Variants in GPR39 observed in about 807,000 individuals in gnomAD.
GPR39 encodes the protein zinc sensing receptor.
GPR39 carries 23 observed loss-of-function variants against 18.4 expected under a neutral mutation model. That is an observed-to-expected ratio of 1.25 (90% confidence interval 0.90 to 1.77). The LOEUF (loss-of-function observed/expected upper bound fraction) is 1.77. Ranked by LOEUF, GPR39 falls within the 40% of genes most tolerant of loss-of-function variation. The pLI is 0.00. For missense variants in GPR39, 647 were observed against 602.4 expected, an observed-to-expected ratio of 1.07 and a Z score of -0.78; for synonymous variants, 280 against 257.9, an observed-to-expected ratio of 1.09 and a Z score of -0.82.
At chr2:132,609,934 A>T (rs1374071315) in intron 1 of GPR39, among the ~76,000 whole-genome samples, 1 of 151,930 alleles carries the variant, frequency 6.6e-6, no homozygotes, top group East Asian at 1.9e-4. Context: ...ACTTAGCGCA[A>T]ACCAAGTTTC....
intron 1 of GPR39, among the ~76,000 whole-genome samples, chr2:132,446,866 T>C (rs775081596): frequency 5.9e-5 from 9 of 152,082 alleles, no homozygotes; most frequent in Non-Finnish European, 5.9e-5. Context: ...CAGATCTTTT[T>C]CTAGTATGCA....
intron 1 of GPR39, among the ~76,000 whole-genome samples, chr2:132,613,641 T>C (rs1558859042): frequency 6.6e-6 from 1 of 152,188 alleles, no homozygotes; most frequent in Non-Finnish European, 1.5e-5. Flanking sequence ...CTTAGCAGAG[T>C]GTAGGGCATA....
chr2:132,451,147 C>CTGTGTG (rs34508615), intron 1 of GPR39, among the ~76,000 whole-genome samples: 7,593 of 106,024 alleles, frequency 0.072, 232 homozygotes, highest in African/African-American at 0.11. Context: ...ATCTTTGAGG[C>CTGTGTG]TGTGTGTGTG....
chr2:132,588,247 G>C (rs1231136769), intron 1 of GPR39, among the ~76,000 whole-genome samples: 2 of 152,176 alleles, frequency 1.3e-5, no homozygotes, highest in Non-Finnish European at 2.9e-5. Context: ...TTAGTGAGAG[G>C]GAGGTTCTCT....
chr2:132,489,270 A>G (rs759702798), intron 1 of GPR39, among the ~76,000 whole-genome samples: 1 of 152,014 alleles, frequency 6.6e-6, no homozygotes, highest in Non-Finnish European at 1.5e-5. Flanking sequence ...CTTCCTTGCA[A>G]TGACCTTTTC....
chr2:132,428,173 A>G (rs900874296), intron 1 of GPR39, among the ~76,000 whole-genome samples: 1 of 151,972 alleles, frequency 6.6e-6, no homozygotes, highest in African/African-American at 2.4e-5. Flanking sequence ...TGAATCTCTT[A>G]CAAGCTGACT....
chr2:132,551,070 G>A (rs1036723123), intron 1 of GPR39, among the ~76,000 whole-genome samples: 1 of 152,168 alleles, frequency 6.6e-6, no homozygotes, highest in East Asian at 1.9e-4. Context: ...CTGTTTGAAA[G>A]AATATAAGTT....
At chr2:132,633,771 CAG>C (rs1373251510) in intron 1 of GPR39, among the ~76,000 whole-genome samples, 13 of 151,952 alleles carry the variant, frequency 8.6e-5, no homozygotes, top group African/African-American at 2.7e-4. Context: ...GTGACAGAGA[CAG>C]AGGTGGAAGT....
At chr2:132,546,812 G>A (rs1471616690) in intron 1 of GPR39, among the ~76,000 whole-genome samples, 2 of 111,646 alleles carry the variant, frequency 1.8e-5, no homozygotes, top group South Asian at 3.2e-4. Context: ...GAGAGCTGTT[G>A]TTCTCCAGGA....
chr2:132,592,376 A>T (rs143479226), intron 1 of GPR39, among the ~76,000 whole-genome samples: 1 of 152,332 alleles, frequency 6.6e-6, no homozygotes, highest in African/African-American at 2.4e-5. Flanking sequence ...AAGGTCCAAA[A>T]GTCCTAGGAT....
chr2:132,589,887 G>T (rs1680798188), intron 1 of GPR39, among the ~76,000 whole-genome samples: 1 of 152,166 alleles, frequency 6.6e-6, no homozygotes, highest in African/African-American at 2.4e-5. Context: ...TTAAGGGAAG[G>T]GGGAAGGTGA....
rs371147687 is a variant in GPR39, at chr2:132,544,987, G to A, written c.857-100114G>A. Among the ~76,000 whole-genome samples, 11 of 152,320 alleles carry A rather than the reference G, an allele frequency of 7.2e-5. 2 individuals are homozygous for A. The highest frequency in any genetic ancestry group is 4.8e-5 in the African/African-American group (2 of 41,574). On this transcript the variant is annotated intron_variant, in intron 1 of 1. Coordinates refer to ENST00000329321, the MANE Select transcript of GPR39 (RefSeq NM_001508.3). ...TAGATATATGTAAAATAGGTGAAGC[G>A]TGGGGAACAATCAGCGGAAAGTACA... is the stretch of plus-strand genomic sequence containing the variant.
At chr2:132,540,401 C>T (rs1009881946) in intron 1 of GPR39, among the ~76,000 whole-genome samples, 5 of 152,110 alleles carry the variant, frequency 3.3e-5, no homozygotes, top group African/African-American at 1.2e-4. Flanking sequence ...CTCCATCTCA[C>T]AGGGGAACCC....
chr2:132,507,255 G>T lies in GPR39; in HGVS notation c.856+89357G>T, dbSNP rs112735589. On this transcript the variant is annotated intron_variant, in intron 1 of 1. Transcript: ENST00000329321. The stretch of plus-strand genomic sequence containing the variant: ...TATAATGAATAAGGAATAATACCAG[G>T]TAGTGCTCAGTGAAATATAAAAAGG... Among the ~76,000 whole-genome samples, 445 of 152,148 alleles carry T rather than the reference G, an allele frequency of 2.9e-3. 4 individuals carry two copies. Among genetic ancestry groups the T allele is most frequent in the African/African-American group, 9.8e-3 (408 of 41,518 alleles).
chr2:132,416,821 C>G lies in GPR39; in HGVS notation c.-222C>G, dbSNP rs754227066. On this transcript the variant is annotated 5_prime_UTR_variant, in exon 1 of 2. Transcript: ENST00000329321. ...GCCCCAGCCACATACACTCCCAAAC[C>G]TCAACACCCAGGCGCCTCCTGGGCC... 2.8e-4 allele frequency: 174 copies of G among 616,552 alleles called. 1 individual carries two copies. Among genetic ancestry groups the G allele is most frequent in the Non-Finnish European group, 3.9e-4 (138 of 352,770 alleles). The allele number at this position is 616,552 out of a possible 1,614,324, so 38.2% of individuals were successfully genotyped here. A position where few individuals can be genotyped will look rare whatever the true frequency, so the allele number is the denominator to read the frequency against.
At chr2:132,568,484 T>A (rs1275606455) in intron 1 of GPR39, among the ~76,000 whole-genome samples, 3 of 152,028 alleles carry the variant, frequency 2.0e-5, no homozygotes, top group Admixed American at 1.3e-4. Context: ...GGTGGGCAGA[T>A]CACCTGAGGC....
intron 1 of GPR39, among the ~76,000 whole-genome samples, chr2:132,625,121 T>C (rs1221190065): frequency 6.6e-6 from 1 of 151,920 alleles, no homozygotes; most frequent in Non-Finnish European, 1.5e-5. Context: ...TCTACATGGC[T>C]TTTTGCTTTG....
intron 1 of GPR39, among the ~76,000 whole-genome samples, chr2:132,452,275 TTCAAGATGTAG>T (rs909136922): frequency 2.6e-5 from 4 of 152,208 alleles, no homozygotes; most frequent in Admixed American, 2.6e-4. Context: ...CTCTGTGACT[TTCAAGATGTAG>T]TCAAGTACAA....
rs552944365 is a variant in GPR39 at position 132,645,433 on chromosome 2, C to T, written c.1189C>T (p.Arg397Trp). Reference sequence around the variant, plus strand: ...GCAGCGCCCGTTGCTCTTCGCGTCCCGGCGCCAGTCCTCTGCAAGGAGAAC... The same window carrying T: ...GCAGCGCCCGTTGCTCTTCGCGTCCTGGCGCCAGTCCTCTGCAAGGAGAAC... The part of the protein sequence containing the change: ...FVQRPLLFAS[R>W]RQSSARRTEK... The change falls in exon 2 of 2, where the codon CGG becomes TGG. Residue 397 changes from arginine to tryptophan, a missense_variant. Physicochemically the swap from Arg to Trp is moderately radical, Grantham distance 101. Around this residue, in one of 3 missense-constraint regions of GPR39, gnomAD observed 581 missense variants for 506.8 expected, o/e 1.15. Coordinates refer to ENST00000329321, the MANE Select transcript of GPR39 (RefSeq NM_001508.3). 40 of 1,613,596 alleles carry T rather than the reference C, an allele frequency of 2.5e-5. No homozygotes were observed. Among genetic ancestry groups the T allele is most frequent in the Middle Eastern group, 1.6e-4 (1 of 6,062 alleles).
Sources: gnomAD v4.1 joint callset for allele counts (sites outside exome capture counted in the v4.1 genomes callset) on GRCh38, gnomAD v4.1.1 for gene constraint, gnomAD v4.1.1 regional missense constraint, MANE v1.5 for transcripts, NCBI Gene and HGNC (gene_info 2026-07-23, HGNC 2026-07-21) for gene names.